CD4: variants seen among roughly 807,000 people sequenced by gnomAD.
CD4 encodes T-cell surface glycoprotein CD4.
A neutral mutation model predicts 50.5 loss-of-function variants in CD4; 25 were observed. The observed-to-expected ratio is 0.49, with a 90% CI of 0.36 to 0.69. The LOEUF is 0.69. Among genes scored for constraint, CD4 ranks in the 30% least tolerant of loss-of-function variants. The pLI is 0.00. For missense variants in CD4, 456 were observed against 548.5 expected (o/e 0.83, Z 1.68); for synonymous variants, 207 against 221.9 (o/e 0.93, Z 0.60).
intron 5 of CD4, among the ~76,000 whole-genome samples, chr12:6,815,462 T>C (rs1345013517): frequency 2.0e-5 from 3 of 152,154 alleles, no homozygotes; most frequent in African/African-American, 7.2e-5. Context: ...GTCCCCTGGG[T>C]GCTTATGTGA....
In CD4 at chr12:6,818,481, C is replaced by T. The variant is rs1943168864; in HGVS notation, c.1217C>T (p.Ala406Val). 2.5e-6 allele frequency: 4 copies of T among 1,613,016 alleles called. No homozygotes were observed. Among genetic ancestry groups the T allele is most frequent in the Non-Finnish European group, 3.4e-6 (4 of 1,180,016 alleles). The change falls in exon 8 of 10, where the codon GCC becomes GTC. Residue 406 changes from alanine (A) to valine (V), a missense_variant. Transcript: ENST00000011653. The surrounding 1 kb of genome is among the most constrained non-coding windows in gnomAD (Gnocchi z 5.0). ...PMALIVLGGVAGLLLFIGLGI... is the reference protein window; with the variant it reads ...PMALIVLGGVVGLLLFIGLGI... The stretch of plus-strand genomic sequence containing the variant: ...GCCCTGATTGTGCTGGGGGGCGTCG[C>T]CGGCCTCCTGCTTTTCATTGGGCTA...
intron 3 of CD4, among the ~76,000 whole-genome samples, chr12:6,809,890 C>CTTTTTTT (rs33952514): frequency 7.9e-6 from 1 of 125,984 alleles, no homozygotes; most frequent in Non-Finnish European, 1.6e-5. Flanking sequence ...GCCTATACCT[C>CTTTTTTT]TTTTTTTTTT....
At chr12:6,810,693 AGT>A (rs1308566999) in intron 3 of CD4, among the ~76,000 whole-genome samples, 4 of 152,212 alleles carry the variant, frequency 2.6e-5, no homozygotes, top group Admixed American at 2.0e-4. Context: ...GGCGGAGCAA[AGT>A]GGGGCAGAAC....
chr12:6,814,334 T>G (rs782549315), intron 4 of CD4, 34 bp downstream of exon 4: 3 of 1,596,882 alleles, frequency 1.9e-6, no homozygotes, highest in African/African-American at 2.7e-5. Flanking sequence ...GGATACCTCC[T>G]GCCTGGTTCC....
At chr12:6,796,209 G>C (rs1942372664) in intron 1 of CD4, among the ~76,000 whole-genome samples, 1 of 152,154 alleles carries the variant, frequency 6.6e-6, no homozygotes, top group Non-Finnish European at 1.5e-5. Flanking sequence ...TGTCCTCAAG[G>C]GGCTCAAGCT....
In CD4 at chr12:6,814,786, T is replaced by C. The variant is rs1943041307; in HGVS notation, c.401T>C (p.Leu134Pro). 1.2e-6 allele frequency: 2 copies of C among 1,613,770 alleles called. No individual in the cohort carries two copies. Among genetic ancestry groups the C allele is most frequent in the Non-Finnish European group, 1.7e-6 (2 of 1,179,818 alleles). Residue 134 changes from leucine (L) to proline (P), a missense_variant, in exon 5 of 10, where the codon CTT becomes CCT. Physicochemically the swap from Leu to Pro is moderately conservative, Grantham distance 98 (BLOSUM62 -3). Coordinates refer to ENST00000011653, the MANE Select transcript of CD4 (RefSeq NM_000616.5). ...GLTANSDTHLLQGQSLTLTLE... is the reference protein window; with the variant it reads ...GLTANSDTHLPQGQSLTLTLE... ...ACTGCCAACTCTGACACCCACCTGC[T>C]TCAGGGGCAGAGCCTGACCCTGACC...
chr12:6,806,077 T>C (rs1942746040), intron 3 of CD4, among the ~76,000 whole-genome samples: 1 of 150,408 alleles, frequency 6.6e-6, no homozygotes. Context: ...GGCAGGCTGA[T>C]CACTTCAGCC....
chr12:6,815,265 C>T (rs137966770), intron 5 of CD4, among the ~76,000 whole-genome samples: 1 of 152,140 alleles, frequency 6.6e-6, no homozygotes, highest in East Asian at 1.9e-4. Context: ...CTTTGGAGGC[C>T]CCAAAGGAGG....
At position 6,792,791 on chromosome 12, in the gene CD4, G is replaced by T. The variant is rs1368212766; in HGVS notation, c.-68+3129G>T. Among the ~76,000 whole-genome samples, 1 of 152,198 alleles carries T rather than the reference G, an allele frequency of 6.6e-6. No individual in the cohort carries two copies. Among genetic ancestry groups the T allele is most frequent in the Non-Finnish European group, 1.5e-5 (1 of 68,036 alleles). ...GAGAGGGGAAGCTGAAAAAGGAGAA[G>T]AGGCAAGGGGCATTCCAGGGGAGCC... On this transcript the variant is annotated intron_variant, in intron 1 of 9. Transcript: ENST00000011653. This position sits in a 1 kb window ranked among gnomAD's most constrained non-coding sequence, Gnocchi z 4.1.
In CD4 at chr12:6,813,925, A is replaced by G. The variant is rs1943011358; in HGVS notation, c.215-217A>G. 7 of 448,346 alleles carry G rather than the reference A, an allele frequency of 1.6e-5. No homozygotes were observed. In the South Asian group the frequency reaches 2.5e-4, roughly 16 times the overall value. The allele number at this position is 448,346 out of a possible 1,614,324, so 27.8% of individuals were successfully genotyped here. The stretch of plus-strand genomic sequence containing the variant: ...TGTAGGAGTTGGTGCTCTCCAAATA[A>G]GGATATGATTTTATTTGTATTTGTG... On this transcript the variant is annotated intron_variant, in intron 3 of 9. Coordinates refer to ENST00000011653, the MANE Select transcript of CD4 (RefSeq NM_000616.5).
intron 1 of CD4, among the ~76,000 whole-genome samples, chr12:6,797,899 C>G (rs1280312320): frequency 1.3e-5 from 2 of 152,154 alleles, no homozygotes; most frequent in Non-Finnish European, 2.9e-5. Context: ...GAGACAGATG[C>G]CTTCCTCTTA....
chr12:6,811,491 C>CTT (rs11318741), intron 3 of CD4, among the ~76,000 whole-genome samples: 81 of 111,026 alleles, frequency 7.3e-4, no homozygotes, highest in Non-Finnish European at 9.2e-4. Flanking sequence ...TTTTCTTTTT[C>CTT]TTTTTTTTTT....
chr12:6,814,693 T>G, intron 4 of CD4, 66 bp from the exon 5 acceptor site: 1 of 1,176,562 alleles, frequency 8.5e-7, no homozygotes, highest in East Asian at 2.3e-5. Flanking sequence ...GTTGTTGGTT[T>G]CCTGTTGTCT....
Position 6,798,453 on chromosome 12 carries a change from T to C in CD4, c.-67-1619T>C, listed in dbSNP as rs1942442974. Among the ~76,000 whole-genome samples, 2 of 150,152 alleles carry C rather than the reference T, an allele frequency of 1.3e-5. 1 individual carries two copies. The highest frequency in any genetic ancestry group is 3.0e-5 in the Non-Finnish European group (2 of 67,118). On this transcript the variant is annotated intron_variant, in intron 1 of 9. Transcript: ENST00000011653. ...TCCCAAAATGCTGGGATTACACGTG[T>C]GAGGCAAGAACTTTTTAAAAGTGCA... is the stretch of plus-strand genomic sequence containing the variant.
Position 6,800,454 on chromosome 12 carries a change from G to T in CD4, c.197G>T (p.Gly66Val), listed in dbSNP as rs1555115088. Residue 66 changes from glycine to valine, a missense_variant, in exon 3 of 10, where the codon GGC (glycine) becomes GTC (valine). Transcript: ENST00000011653. ...SNQIKILGNQ[G>V]SFLTKGPSKL... is the part of the protein sequence containing the mutation. ...CAGATAAAGATTCTGGGAAATCAGG[G>T]CTCCTTCTTAACTAAAGGTAGGGTT... 6.2e-7 allele frequency: 1 copy of T among 1,613,396 alleles called. No individual in the cohort carries two copies. Among genetic ancestry groups the T allele is most frequent in the South Asian group, 1.1e-5 (1 of 90,992 alleles).
intron 7 of CD4, among the ~76,000 whole-genome samples, chr12:6,817,796 A>C (rs1565502073): frequency 6.7e-6 from 1 of 148,788 alleles, no homozygotes; most frequent in African/African-American, 2.5e-5. Flanking sequence ...CCACACTCTC[A>C]CCCCATGTAC....
Position 6,792,960 on chromosome 12 carries a change from G to GGA in CD4, c.-68+3309_-68+3310dup, listed in dbSNP as rs938580019. 6.6e-6 allele frequency among the ~76,000 whole-genome samples: 1 copy of GGA among 151,970 alleles called. No individual in the cohort carries two copies. The highest frequency in any genetic ancestry group is 6.6e-5 in the Admixed American group (1 of 15,244). ...CAGATGTGAGCTGAGAAGCAAGGAG[G>GGA]GAGAGAGAGAGACAGAAAGAGAGAG... is the stretch of plus-strand genomic sequence containing the variant. On this transcript the variant is annotated intron_variant, in intron 1 of 9. Coordinates refer to ENST00000011653, the MANE Select transcript of CD4 (RefSeq NM_000616.5). This position sits in a 1 kb window ranked among gnomAD's most constrained non-coding sequence, Gnocchi z 4.1.
chr12:6,790,013 G>C (rs1327450242), intron 1 of CD4, among the ~76,000 whole-genome samples: 1 of 152,160 alleles, frequency 6.6e-6, no homozygotes, highest in African/African-American at 2.4e-5. Context: ...GTCGTGGGCA[G>C]TTGAGGGGAG....
intron 1 of CD4, among the ~76,000 whole-genome samples, chr12:6,797,607 G>A (rs1942410341): frequency 6.6e-6 from 1 of 152,104 alleles, no homozygotes; most frequent in Non-Finnish European, 1.5e-5. Context: ...ATCTCCGCGA[G>A]GGGAATGTGG....
Sources: allele counts gnomAD v4.1 joint callset (sites outside exome capture counted in the v4.1 genomes callset), GRCh38; gene constraint gnomAD v4.1.1; non-coding constraint Gnocchi (gnomAD v3.1); transcripts MANE v1.5; gene names NCBI Gene and HGNC (gene_info 2026-07-23, HGNC 2026-07-21).